Variants in INTU observed in about 807,000 individuals in gnomAD.
The protein encoded by INTU is inturned planar cell polarity protein, also known as protein inturned.
In INTU, 68 loss-of-function variants were observed where a neutral mutation model predicts 100.5. That is an observed-to-expected ratio of 0.68 (90% confidence interval 0.56 to 0.83). The LOEUF is 0.83. Among genes scored for constraint, INTU ranks in the 40% least tolerant of loss-of-function variants. The pLI is 0.00. For missense variants in INTU, 1,071 were observed against 1,114.7 expected (o/e 0.96, Z 0.56); for synonymous variants, 357 against 395.7 (o/e 0.90, Z 1.16).
chr4:127,697,517 A>G (rs1730446297), intron 8 of INTU, among the ~76,000 whole-genome samples: 1 of 151,874 alleles, frequency 6.6e-6, no homozygotes, highest in East Asian at 1.9e-4. Context: ...TCCTTCTGTG[A>G]TATCAGCTTT....
At position 127,669,058 on chromosome 4, in the gene INTU, C is replaced by T; in HGVS notation, c.995C>T (p.Pro332Leu). The change falls in exon 5 of 16, where the codon CCA (proline) becomes CTA (leucine). Residue 332 changes from proline to leucine, a missense_variant. Pro to Leu is a moderately conservative substitution (Grantham distance 98). Coordinates refer to ENST00000335251, the MANE Select transcript of INTU (RefSeq NM_015693.4). ...KEEQEILYHY[P>L]MSEASQKLKS... ...CAGCAGGAAATTCTTTATCATTATC[C>T]AATGTCTGAAGCATCTCAGAAACTT... The T allele has an allele frequency of 1.3e-6, 2 of 1,495,788 alleles. No individual in the cohort carries two copies. Among genetic ancestry groups the T allele is most frequent in the Non-Finnish European group, 1.8e-6 (2 of 1,100,614 alleles). 92.7% of individuals were successfully genotyped at this position (1,495,788 alleles called of 1,614,324 possible).
chr4:127,710,766 T>G, intron 13 of INTU, 147 bp from the exon 14 acceptor site: 1 of 443,824 alleles, frequency 2.3e-6, no homozygotes, highest in Non-Finnish European at 3.8e-6. Flanking sequence ...ATTAAATGTT[T>G]AGCCCAGTTT....
In INTU at chr4:127,659,146, C is replaced by T. The variant is rs1728363169; in HGVS notation, c.768+2425C>T. Among the ~76,000 whole-genome samples, 2 of 152,246 alleles carry T rather than the reference C, an allele frequency of 1.3e-5. 1 individual carries two copies. The highest frequency in any genetic ancestry group is 4.8e-5 in the African/African-American group (2 of 41,540). ...GTGGCTATAAATATGAATGAAGCTT[C>T]GCTCACTGGCCACTCACCTCCTGCT... On this transcript the variant is annotated intron_variant, in intron 3 of 15. Transcript: ENST00000335251.
At position 127,643,971 on chromosome 4, in the gene INTU, C is replaced by T. The variant is rs774117110; in HGVS notation, c.597C>T (p.Thr199=). The T allele has an allele frequency of 3.3e-5, 54 of 1,613,976 alleles. 1 individual carries two copies. Among genetic ancestry groups the T allele is most frequent in the Middle Eastern group, 3.3e-4 (2 of 6,084 alleles). ...IHQTKWSWRR[T]GKQGDGERLV... is the part of the protein sequence containing the mutation. Reference sequence around the variant, plus strand: ...AGACCAAGTGGAGCTGGAGAAGAACCGGAAAGCAGGGTGATGGAGAGAGGC... The same window carrying T: ...AGACCAAGTGGAGCTGGAGAAGAACTGGAAAGCAGGGTGATGGAGAGAGGC... The change falls in exon 2 of 16, where the codon ACC becomes ACT. Residue 199 remains threonine, a synonymous_variant. Transcript: ENST00000335251.
intron 10 of INTU, 107 bp downstream of exon 10, chr4:127,704,397 G>GT: frequency 1.2e-6 from 1 of 853,996 alleles, no homozygotes; most frequent in Non-Finnish European, 1.9e-6. Context: ...TCTTTCAAAT[G>GT]TAGGTACCAT....
intron 8 of INTU, among the ~76,000 whole-genome samples, chr4:127,697,997 G>A (rs1299640651): frequency 1.3e-5 from 2 of 152,118 alleles, no homozygotes; most frequent in African/African-American, 2.4e-5. Context: ...GTGCATGCCT[G>A]TAATCCCAGC....
chr4:127,684,987 A>T (rs961616771), intron 7 of INTU, among the ~76,000 whole-genome samples: 39 of 152,082 alleles, frequency 2.6e-4, no homozygotes, highest in Non-Finnish European at 8.8e-5. Context: ...AGACCATCAA[A>T]TTCACTATCC....
chr4:127,638,334 G>GA (rs1485231766), intron 1 of INTU, among the ~76,000 whole-genome samples: 4 of 152,104 alleles, frequency 2.6e-5, no homozygotes, highest in African/African-American at 7.2e-5. Flanking sequence ...AAGAAAAAAA[G>GA]AAAAAAGTAT....
intron 6 of INTU, chr4:127,683,754 A>G (rs2126227212): frequency 6.6e-6 from 1 of 152,378 alleles, no homozygotes; most frequent in Admixed American, 6.5e-5. Context: ...CTTTGGGTCT[A>G]AGAAGATAAG....
chr4:127,646,445 G>A (rs1233167474), intron 2 of INTU, among the ~76,000 whole-genome samples: 1 of 152,126 alleles, frequency 6.6e-6, no homozygotes, highest in Non-Finnish European at 1.5e-5. Flanking sequence ...TTTATAGGTG[G>A]TCTGTGTGCT....
intron 4 of INTU, 136 bp downstream of exon 4, chr4:127,663,720 T>C: frequency 1.6e-6 from 1 of 639,418 alleles, no homozygotes. Flanking sequence ...ATTAACTGTT[T>C]TTCTTTAAAA....
intron 1 of INTU, 62 bp downstream of exon 1, chr4:127,633,242 G>T: frequency 6.4e-7 from 1 of 1,554,152 alleles, no homozygotes; most frequent in South Asian, 1.2e-5. Flanking sequence ...ATACACGTGG[G>T]CTGGGGGAAC....
chr4:127,655,073 T>C (rs1728118215), intron 2 of INTU, among the ~76,000 whole-genome samples: 1 of 152,240 alleles, frequency 6.6e-6, no homozygotes, highest in Non-Finnish European at 1.5e-5. Flanking sequence ...TTTAGCTCCA[T>C]CAACTCCTTT....
At position 127,640,542 on chromosome 4, in the gene INTU, C is replaced by CAT. The variant is rs869116277; in HGVS notation, c.147-2931_147-2930dup. 5.8e-3 allele frequency among the ~76,000 whole-genome samples: 310 copies of CAT among 53,570 alleles called. 8 individuals carry two copies. The highest frequency in any genetic ancestry group is 7.2e-3 in the Admixed American group (31 of 4,312). The allele number at this position is 53,570 out of a possible 152,430, so 35.1% of individuals were successfully genotyped here. ...TGGTATAGTCTTTTGGGTAAAGATACATATATATATATATATATATATATA... is the reference window on the plus strand; with the variant it reads ...TGGTATAGTCTTTTGGGTAAAGATACATATATATATATATATATATATATATA... On this transcript the variant is annotated intron_variant, in intron 1 of 15. Transcript: ENST00000335251.
In INTU at chr4:127,711,028, C is replaced by T. The variant is rs1191861051; in HGVS notation, c.2485C>T (p.Pro829Ser). 6.2e-7 allele frequency: 1 copy of T among 1,608,936 alleles called. No individual in the cohort carries two copies. Among genetic ancestry groups the T allele is most frequent in the Non-Finnish European group, 8.5e-7 (1 of 1,176,622 alleles). ...EVAQLSGSIHPQLIKNFHQCC... is the reference protein window; with the variant it reads ...EVAQLSGSIHSQLIKNFHQCC... ...GGCACAGCTAAGTGGCTCTATCCAC[C>T]CTCAGCTAATAAAGAATTTCCATCA... Residue 829 changes from proline to serine, a missense_variant, in exon 14 of 16, where the codon CCT (proline) becomes TCT (serine). Pro to Ser is a moderately conservative substitution (Grantham distance 74). Transcript: ENST00000335251.
intron 5 of INTU, among the ~76,000 whole-genome samples, chr4:127,669,452 A>G (rs1007129390): frequency 4.0e-5 from 6 of 151,724 alleles, no homozygotes; most frequent in African/African-American, 7.2e-5. Flanking sequence ...CATTTTAAAA[A>G]ACACTCGGGC....
intron 8 of INTU, among the ~76,000 whole-genome samples, chr4:127,693,744 C>A (rs989579274): frequency 6.6e-6 from 1 of 151,914 alleles, no homozygotes; most frequent in Non-Finnish European, 1.5e-5. Context: ...TAAGGTATGT[C>A]CCTTGTATGC....
At chr4:127,651,114 A>G (rs1411339848) in intron 2 of INTU, among the ~76,000 whole-genome samples, 1 of 151,886 alleles carries the variant, frequency 6.6e-6, no homozygotes, top group African/African-American at 2.4e-5. Flanking sequence ...GATTCTGGAT[A>G]TTAGCCCTTT....
In INTU at chr4:127,723,299, C is replaced by G. The variant is rs1311796897; in HGVS notation, c.*6863C>G. ...AACTTCAGTATCTCAACTGAAGATG[C>G]AGAGTTGACTCACAGTTTTCTTCCT... On this transcript the variant is annotated 3_prime_UTR_variant, in exon 16 of 16. Transcript: ENST00000335251. The G allele has an allele frequency of 2.0e-5, 3 of 151,200 alleles. No individual in the cohort carries two copies. Among genetic ancestry groups the G allele is most frequent in the Admixed American group, 6.6e-5 (1 of 15,128 alleles). The allele number at this position is 151,200 out of a possible 1,614,324, so 9.4% of individuals were successfully genotyped here.
Sources: gnomAD v4.1 joint callset for allele counts (sites outside exome capture counted in the v4.1 genomes callset) on GRCh38, gnomAD v4.1.1 for gene constraint, MANE v1.5 for transcripts, NCBI Gene and HGNC (gene_info 2026-07-23, HGNC 2026-07-21) for gene names.